Variants in CLSTN1 observed in about 807,000 individuals in gnomAD.
The protein encoded by CLSTN1 is calsyntenin 1, also known as calsyntenin-1.
Under a neutral mutation model 108.3 loss-of-function variants are expected in CLSTN1, and 28 were observed. The ratio of observed to expected loss-of-function variants is 0.26; its 90% CI spans 0.19 to 0.35. CLSTN1 has a LOEUF of 0.35. CLSTN1 is among the 10% of genes least tolerant of loss of function. The pLI is 1.00. For synonymous variants in CLSTN1, 524 were observed against 534.9 expected (o/e 0.98, Z 0.28); for missense variants, 1,157 against 1,302.6 (o/e 0.89, Z 1.72).
intron 7 of CLSTN1, 57 bp downstream of exon 7, chr1:9,749,404 A>T: frequency 2.8e-6 from 4 of 1,425,842 alleles, no homozygotes; most frequent in Non-Finnish European, 3.8e-6. Flanking sequence ...CCAGTTGTAA[A>T]GGTCCCTCCC....
chr1:9,732,783 C>A (rs1650476736), intron 16 of CLSTN1, among the ~76,000 whole-genome samples: 1 of 152,250 alleles, frequency 6.6e-6, no homozygotes. Flanking sequence ...CCGTGCGGGT[C>A]CCTGCGTGAG....
At chr1:9,747,058 T>C (rs902994849) in intron 7 of CLSTN1, among the ~76,000 whole-genome samples, 2 of 151,186 alleles carry the variant, frequency 1.3e-5, no homozygotes, top group Non-Finnish European at 2.9e-5. Context: ...CACATGCCTG[T>C]AATCCCAGCT....
chr1:9,803,403 GCA>G (rs1374468120), intron 1 of CLSTN1, among the ~76,000 whole-genome samples: 1 of 152,148 alleles, frequency 6.6e-6, no homozygotes, highest in South Asian at 2.1e-4. Flanking sequence ...ACAGGCCCAC[GCA>G]CAGATATTCC....
intron 1 of CLSTN1, among the ~76,000 whole-genome samples, chr1:9,794,131 A>C (rs1653886291): frequency 6.6e-6 from 1 of 151,482 alleles, no homozygotes; most frequent in Admixed American, 6.7e-5. Context: ...ATATAAAAAC[A>C]GGGTAAGTAA....
chr1:9,822,741 G>A (rs1265733027), intron 1 of CLSTN1, among the ~76,000 whole-genome samples: 1 of 152,158 alleles, frequency 6.6e-6, no homozygotes, highest in African/African-American at 2.4e-5. Flanking sequence ...AAGGTTAAGT[G>A]GATGAAGGTT....
At chr1:9,818,673 C>T (rs1267879357) in intron 1 of CLSTN1, among the ~76,000 whole-genome samples, 1 of 151,534 alleles carries the variant, frequency 6.6e-6, no homozygotes, top group Non-Finnish European at 1.5e-5. Flanking sequence ...AAATAATTTC[C>T]ACCAATCTTG....
chr1:9,763,813 C>T (rs1332799226), intron 2 of CLSTN1, among the ~76,000 whole-genome samples: 1 of 152,134 alleles, frequency 6.6e-6, no homozygotes, highest in African/African-American at 2.4e-5. Flanking sequence ...CTGCTCCCAC[C>T]TCTCCCCTCT....
At chr1:9,766,949 C>T (rs926784463) in intron 2 of CLSTN1, among the ~76,000 whole-genome samples, 2 of 152,226 alleles carry the variant, frequency 1.3e-5, no homozygotes, top group African/African-American at 4.8e-5. Context: ...AACAAGTGAA[C>T]TCCTGTGGCT....
chr1:9,800,102 C>T (rs1654190345), intron 1 of CLSTN1, among the ~76,000 whole-genome samples: 1 of 151,860 alleles, frequency 6.6e-6, no homozygotes, highest in African/African-American at 2.4e-5. Flanking sequence ...AAAACTTAAG[C>T]ATTTAATACA....
rs1650339803 is a variant in CLSTN1 at position 9,730,852 on chromosome 1, G to A, written c.2749-147C>T. 2 of 776,660 alleles carry A rather than the reference G, an allele frequency of 2.6e-6. No homozygotes were observed. Among genetic ancestry groups the A allele is most frequent in the Non-Finnish European group, 4.1e-6 (2 of 483,934 alleles). 48.1% of individuals were successfully genotyped at this position (776,660 alleles called of 1,614,324 possible). ...CAGAGCAGCCAGGACGGCACCGGAA[G>A]TTATATTAGAAGTGAAGGGAAAACA... On this transcript the variant is annotated intron_variant, in intron 18 of 18. Transcript: ENST00000377298. This position sits in a 1 kb window ranked among gnomAD's most constrained non-coding sequence, Gnocchi z 5.6.
At chr1:9,790,439 G>C (rs991750271) in intron 1 of CLSTN1, among the ~76,000 whole-genome samples, 1 of 147,404 alleles carries the variant, frequency 6.8e-6, no homozygotes. Flanking sequence ...ATTATTGACT[G>C]TCAAATGTTG....
intron 1 of CLSTN1, among the ~76,000 whole-genome samples, chr1:9,789,922 T>A (rs1322912975): frequency 4.6e-5 from 7 of 151,320 alleles, no homozygotes; most frequent in Non-Finnish European, 8.8e-5. Context: ...GAGGCTGCAA[T>A]GAGTCATAAC....
At chr1:9,758,566 C>T (rs11804356) in intron 2 of CLSTN1, among the ~76,000 whole-genome samples, 2 of 150,828 alleles carry the variant, frequency 1.3e-5, no homozygotes, top group Admixed American at 1.3e-4. Context: ...CGCCCGCCTC[C>T]GCCTCCCAAA....
intron 1 of CLSTN1, among the ~76,000 whole-genome samples, chr1:9,822,659 A>G (rs937024915): frequency 1.3e-5 from 2 of 152,212 alleles, no homozygotes; most frequent in Admixed American, 6.5e-5. Flanking sequence ...ACTCAGAAGC[A>G]AATACTGTAT....
chr1:9,738,204 T>C (rs1394342075), intron 10 of CLSTN1, among the ~76,000 whole-genome samples: 1 of 152,184 alleles, frequency 6.6e-6, no homozygotes, highest in Non-Finnish European at 1.5e-5. Flanking sequence ...ACGGTGGACC[T>C]GGGGACCCTC....
chr1:9,770,731 C>G (rs183680868), intron 2 of CLSTN1, among the ~76,000 whole-genome samples: 1 of 152,196 alleles, frequency 6.6e-6, no homozygotes, highest in Admixed American at 6.5e-5. Context: ...TGGTGGCTCA[C>G]GCCTATAATC....
intron 7 of CLSTN1, among the ~76,000 whole-genome samples, chr1:9,748,354 G>C (rs1651383078): frequency 6.6e-6 from 1 of 152,204 alleles, no homozygotes; most frequent in African/African-American, 2.4e-5. Flanking sequence ...GGGTTTCCCA[G>C]TAATTCTGTC....
intron 7 of CLSTN1, among the ~76,000 whole-genome samples, chr1:9,745,523 G>C (rs1215328201): frequency 6.6e-6 from 1 of 151,764 alleles, no homozygotes; most frequent in African/African-American, 2.4e-5. Context: ...CAGGTGTGGT[G>C]GTGCATCCCT....
At chr1:9,745,969 T>C (rs1651248962) in intron 7 of CLSTN1, among the ~76,000 whole-genome samples, 2 of 152,040 alleles carry the variant, frequency 1.3e-5, no homozygotes, top group South Asian at 2.1e-4. Context: ...GGTTTCGCCA[T>C]GTTGTCCAAG....
Sources: allele counts gnomAD v4.1 joint callset (sites outside exome capture counted in the v4.1 genomes callset), GRCh38; gene constraint gnomAD v4.1.1; non-coding constraint Gnocchi (gnomAD v3.1); transcripts MANE v1.5; gene names NCBI Gene and HGNC (gene_info 2026-07-23, HGNC 2026-07-21).